Variants in BTBD9 observed in about 807,000 individuals in gnomAD.
The protein encoded by BTBD9 is BTB domain containing 9.
A neutral mutation model predicts 64.3 loss-of-function variants in BTBD9; 49 were observed. That is an observed-to-expected ratio of 0.76 (90% CI 0.61 to 0.97). BTBD9 has a LOEUF of 0.97. BTBD9 is among the 50% of genes least tolerant of loss of function. The pLI is 0.00. For missense variants in BTBD9, 598 were observed against 762.1 expected, an observed-to-expected ratio of 0.78 and a Z score of 2.53; for synonymous variants, 260 against 274.7, an observed-to-expected ratio of 0.95 and a Z score of 0.53.
At chr6:38,188,134 C>T (rs1015364349) in intron 10 of BTBD9, among the ~76,000 whole-genome samples, 7 of 152,244 alleles carry the variant, frequency 4.6e-5, no homozygotes, top group African/African-American at 1.4e-4. Flanking sequence ...CCTGCTTCCA[C>T]GCACTGCCTG....
At chr6:38,201,011 C>T (rs1276907140) in intron 9 of BTBD9, among the ~76,000 whole-genome samples, 2 of 142,182 alleles carry the variant, frequency 1.4e-5, no homozygotes, top group South Asian at 2.3e-4. Flanking sequence ...CAGAGCAAGA[C>T]CCTGTCTATA....
chr6:38,561,447 T>C (rs746912989), intron 6 of BTBD9, among the ~76,000 whole-genome samples: 5 of 152,172 alleles, frequency 3.3e-5, no homozygotes, highest in Non-Finnish European at 5.9e-5. Flanking sequence ...TTATTTGTTA[T>C]AGACCCAAAG....
At chr6:38,225,741 C>T (rs893606841) in intron 9 of BTBD9, among the ~76,000 whole-genome samples, 5 of 151,288 alleles carry the variant, frequency 3.3e-5, no homozygotes, top group Non-Finnish European at 5.9e-5. Flanking sequence ...GGCAGGGGTA[C>T]GAGGGACTAC....
In BTBD9 at chr6:38,553,090, T is replaced by C. The variant is rs1562331283; in HGVS notation, c.1154+24510A>G. ...CCTAACACAATGTAAATGCTATGTA[T>C]ATAGTTGGTGCACTGTATTGTTTTT... On this transcript the variant is annotated intron_variant, in intron 6 of 10. Transcript: ENST00000481247. Among the ~76,000 whole-genome samples, 6 of 152,378 alleles carry C rather than the reference T, an allele frequency of 3.9e-5. No homozygotes were observed. The South Asian group carries it at 1.2e-3, about 32-fold the overall frequency.
chr6:38,276,298 A>G (rs757489963), intron 8 of BTBD9, among the ~76,000 whole-genome samples: 3 of 144,636 alleles, frequency 2.1e-5, no homozygotes, highest in Admixed American at 7.1e-5. Context: ...GAATTGAACA[A>G]TGGAACACAT....
intron 6 of BTBD9, among the ~76,000 whole-genome samples, chr6:38,516,657 C>T (rs1011375035): frequency 6.6e-6 from 1 of 152,204 alleles, no homozygotes; most frequent in Non-Finnish European, 1.5e-5. Context: ...TTATTAGATG[C>T]ACCCAATTAA....
intron 6 of BTBD9, among the ~76,000 whole-genome samples, chr6:38,404,680 A>G (rs1042407702): frequency 6.6e-6 from 1 of 152,194 alleles, no homozygotes; most frequent in African/African-American, 2.4e-5. Context: ...AAGTTCAAAC[A>G]AGCAAAAGCA....
At chr6:38,424,914 C>T (rs1768078244) in intron 6 of BTBD9, among the ~76,000 whole-genome samples, 1 of 151,804 alleles carries the variant, frequency 6.6e-6, no homozygotes, top group Admixed American at 6.6e-5. Flanking sequence ...TATCGGCTTA[C>T]TGCAACCTCC....
intron 6 of BTBD9, among the ~76,000 whole-genome samples, chr6:38,571,193 G>T (rs1306825242): frequency 2.0e-5 from 3 of 152,292 alleles, no homozygotes; most frequent in Non-Finnish European, 2.9e-5. Flanking sequence ...GAAAGTAAAG[G>T]CTCAGTATTA....
chr6:38,457,662 TGGC>T (rs1410127441), intron 6 of BTBD9, among the ~76,000 whole-genome samples: 1 of 152,030 alleles, frequency 6.6e-6, no homozygotes, highest in African/African-American at 2.4e-5. Context: ...TTTAAGACAA[TGGC>T]TAGAACACAA....
chr6:38,230,612 T>C (rs534029964), intron 9 of BTBD9, among the ~76,000 whole-genome samples: 1 of 147,938 alleles, frequency 6.8e-6, no homozygotes, highest in South Asian at 2.3e-4. Flanking sequence ...TTACCAAACC[T>C]AAAGGTCATA....
At chr6:38,179,246 T>A (rs896850585) in intron 10 of BTBD9, 2 of 341,240 alleles carry the variant, frequency 5.9e-6, no homozygotes, top group African/African-American at 2.1e-5. Context: ...ACAAGTATTT[T>A]AAAAATCTAG....
At position 38,334,304 on chromosome 6, in the gene BTBD9, G is replaced by C. The variant is rs542443643; in HGVS notation, c.1264+10680C>G. On this transcript the variant is annotated intron_variant, in intron 7 of 10. Transcript: ENST00000481247. ...CAGCTGGGCATGGTGGCTCATGCCTGTAATCCCGGCACTTTGGGAGGCCAA... is the reference window on the plus strand; with the variant it reads ...CAGCTGGGCATGGTGGCTCATGCCTCTAATCCCGGCACTTTGGGAGGCCAA... 3.9e-5 allele frequency among the ~76,000 whole-genome samples: 6 copies of C among 152,346 alleles called. No homozygotes were observed. In the South Asian group the frequency reaches 1.2e-3, roughly 32 times the overall value.
At chr6:38,450,003 G>C (rs1405241171) in intron 6 of BTBD9, among the ~76,000 whole-genome samples, 2 of 152,142 alleles carry the variant, frequency 1.3e-5, no homozygotes, top group Non-Finnish European at 2.9e-5. Context: ...TAACAGTCAA[G>C]ATATGGAATC....
At chr6:38,462,151 T>A (rs960997355) in intron 6 of BTBD9, among the ~76,000 whole-genome samples, 2 of 152,086 alleles carry the variant, frequency 1.3e-5, no homozygotes, top group Admixed American at 6.5e-5. Flanking sequence ...GAGCAAAAGG[T>A]TTTACATTTG....
At chr6:38,548,802 C>T (rs6932235) in intron 6 of BTBD9, among the ~76,000 whole-genome samples, 70,959 of 151,856 alleles carry the variant, frequency 0.47, 16,656 homozygotes, top group East Asian at 0.54. Context: ...ATAAAAGGGA[C>T]AAAAGTTTGA....
At chr6:38,412,625 A>G (rs962164346) in intron 6 of BTBD9, among the ~76,000 whole-genome samples, 8 of 151,998 alleles carry the variant, frequency 5.3e-5, no homozygotes, top group African/African-American at 1.9e-4. Flanking sequence ...TTGGGAGGCT[A>G]AGGTAGGCAG....
chr6:38,583,609 A>C (rs1776389255), intron 4 of BTBD9, among the ~76,000 whole-genome samples: 1 of 152,258 alleles, frequency 6.6e-6, no homozygotes, highest in Non-Finnish European at 1.5e-5. Flanking sequence ...TTCAACACTA[A>C]AACTTATGAA....
intron 7 of BTBD9, among the ~76,000 whole-genome samples, chr6:38,336,628 G>A (rs1287607463): frequency 6.6e-6 from 1 of 152,052 alleles, no homozygotes; most frequent in Non-Finnish European, 1.5e-5. Context: ...TGGGATTATG[G>A]GAACTACAAT....
Sources: allele counts gnomAD v4.1 joint callset (sites outside exome capture counted in the v4.1 genomes callset), GRCh38; gene constraint gnomAD v4.1.1; transcripts MANE v1.5; gene names NCBI Gene and HGNC (gene_info 2026-07-23, HGNC 2026-07-21).